The following MTR variants were observed in gnomAD, a reference collection of about 807,000 sequenced individuals.
MTR encodes the protein methionine synthase.
In MTR, 84 loss-of-function variants were observed where a neutral mutation model predicts 154.8. The observed-to-expected ratio is 0.54, with a 90% confidence interval of 0.45 to 0.65. The LOEUF (loss-of-function observed/expected upper bound fraction) is 0.65. Among genes scored for constraint, MTR ranks in the 30% least tolerant of loss-of-function variants. MTR has a pLI of 0.00. For missense variants in MTR, 1,275 were observed against 1,570.2 expected (o/e 0.81, Z 3.18); for synonymous variants, 554 against 553.9 (o/e 1.00, Z 0.00).
intron 6 of MTR, among the ~76,000 whole-genome samples, chr1:236,813,896 G>T (rs1426285200): frequency 1.3e-5 from 2 of 152,186 alleles, no homozygotes; most frequent in African/African-American, 4.8e-5. Context: ...CTTAAATGTT[G>T]TGTGGTTGAA....
chr1:236,802,127 G>A (rs77226497), intron 1 of MTR, among the ~76,000 whole-genome samples: 6,225 of 152,256 alleles, frequency 0.041, 416 homozygotes, highest in African/African-American at 0.14. Context: ...TAAGGCTTGG[G>A]ATCTAAGTAG....
At chr1:236,801,478 TGA>T (rs1433294742) in intron 1 of MTR, among the ~76,000 whole-genome samples, 1 of 152,218 alleles carries the variant, frequency 6.6e-6, no homozygotes, top group East Asian at 1.9e-4. Flanking sequence ...ATTGTATACT[TGA>T]GACTCTGGAC....
intron 13 of MTR, 58 bp downstream of exon 13, chr1:236,832,136 G>T (rs1339734629): frequency 7.5e-7 from 1 of 1,336,728 alleles, no homozygotes; most frequent in Non-Finnish European, 1.1e-6. Flanking sequence ...TAGACAGCAT[G>T]TAAATGAAAC....
At chr1:236,807,670 A>G (rs1380880965) in intron 3 of MTR, among the ~76,000 whole-genome samples, 1 of 152,180 alleles carries the variant, frequency 6.6e-6, no homozygotes, top group Non-Finnish European at 1.5e-5. Flanking sequence ...TATATGGTAG[A>G]TGCTAATGTC....
At chr1:236,801,418 G>A (rs1660692828) in intron 1 of MTR, among the ~76,000 whole-genome samples, 1 of 152,192 alleles carries the variant, frequency 6.6e-6, no homozygotes, top group African/African-American at 2.4e-5. Flanking sequence ...CCCACTTGGA[G>A]AAAGTCACTC....
chr1:236,894,099 C>T (rs1007135661), intron 29 of MTR, among the ~76,000 whole-genome samples: 1 of 151,984 alleles, frequency 6.6e-6, no homozygotes, highest in African/African-American at 2.4e-5. Context: ...GGTGTCTTGA[C>T]AATTTATGTT....
intron 22 of MTR, among the ~76,000 whole-genome samples, chr1:236,871,293 T>C (rs1348075947): frequency 6.6e-6 from 1 of 150,452 alleles, no homozygotes; most frequent in Admixed American, 6.7e-5. Context: ...CTACACAGGC[T>C]CTGGCCTTTT....
intron 22 of MTR, among the ~76,000 whole-genome samples, chr1:236,872,421 A>G (rs1665186842): frequency 6.6e-6 from 1 of 152,058 alleles, no homozygotes; most frequent in Non-Finnish European, 1.5e-5. Context: ...GAGTTCCCTG[A>G]CAGCTCTTCG....
At position 236,852,906 on chromosome 1, in the gene MTR, G is replaced by A. The variant is rs767799166; in HGVS notation, c.1813-42G>A. 26 of 1,611,142 alleles carry A rather than the reference G, an allele frequency of 1.6e-5. 2 individuals are homozygous for A. The South Asian group carries it at 2.5e-4, about 16-fold the overall frequency. On this transcript the variant is annotated intron_variant, in intron 17 of 32. Coordinates refer to ENST00000366577, the MANE Select transcript of MTR (RefSeq NM_000254.3). ...AAAAGTTTGCTGATCGCTGACTTAA[G>A]GTATCACTGTAAATTCTCATTTTTA...
Position 236,889,309 on chromosome 1 carries a change from C to T in MTR, c.2980C>T (p.Pro994Ser). 3.7e-6 allele frequency: 6 copies of T among 1,614,204 alleles called. No homozygotes were observed. The highest frequency in any genetic ancestry group is 5.1e-6 in the Non-Finnish European group (6 of 1,180,046). ...LRGKYPNRGFPKIFNDKTVGG... is the reference protein window; with the variant it reads ...LRGKYPNRGFSKIFNDKTVGG... ...GGGCAAGTACCCGAATCGAGGCTTT[C>T]CCAAGATATTTAACGACAAAACAGT... is the stretch of plus-strand genomic sequence containing the variant. The change falls in exon 28 of 33, where the codon CCC becomes TCC. Residue 994 changes from proline (P) to serine (S), a missense_variant. Physicochemically the swap from Pro to Ser is moderately conservative, Grantham distance 74. Transcript: ENST00000366577.
At chr1:236,877,872 G>A (rs1358119776) in intron 24 of MTR, among the ~76,000 whole-genome samples, 1 of 152,110 alleles carries the variant, frequency 6.6e-6, no homozygotes, top group East Asian at 1.9e-4. Flanking sequence ...GTTATTCCAC[G>A]TTCTTTTCAA....
intron 18 of MTR, among the ~76,000 whole-genome samples, chr1:236,859,453 A>G (rs1664395228): frequency 6.6e-6 from 1 of 152,128 alleles, no homozygotes; most frequent in Non-Finnish European, 1.5e-5. Context: ...TAGCTTCATT[A>G]TGGCCTCCCT....
At chr1:236,796,462 G>C (rs1490169159) in intron 1 of MTR, among the ~76,000 whole-genome samples, 2 of 152,204 alleles carry the variant, frequency 1.3e-5, no homozygotes, top group African/African-American at 4.8e-5. Flanking sequence ...GTAAAAACGG[G>C]TGAGGAGATG....
rs186276049 is a variant in MTR, at chr1:236,844,030, G to T, written c.1515+5431G>T. Among the ~76,000 whole-genome samples the T allele has an allele frequency of 8.5e-5, 13 of 152,270 alleles. No homozygotes were observed. In the East Asian group the frequency reaches 2.5e-3, roughly 29 times the overall value. Reference sequence around the variant, plus strand: ...AGCTCACCAAAGGAATGACTGTAGAGAAGTCCTAGGACTAAGTGAGTCTTA... The same window carrying T: ...AGCTCACCAAAGGAATGACTGTAGATAAGTCCTAGGACTAAGTGAGTCTTA... On this transcript the variant is annotated intron_variant, in intron 15 of 32. Transcript: ENST00000366577.
intron 24 of MTR, among the ~76,000 whole-genome samples, chr1:236,879,095 C>G (rs1018467801): frequency 2.6e-5 from 4 of 152,232 alleles, no homozygotes; most frequent in Non-Finnish European, 5.9e-5. Flanking sequence ...CACACTCATG[C>G]ATATATTACA....
At chr1:236,828,064 AC>A (rs1478797690) in intron 11 of MTR, among the ~76,000 whole-genome samples, 3 of 151,704 alleles carry the variant, frequency 2.0e-5, no homozygotes, top group Admixed American at 6.6e-5. Flanking sequence ...TGCAAGCTCC[AC>A]CTCCCAGGTT....
Position 236,816,449 on chromosome 1 carries a change from A to T in MTR, c.670A>T (p.Ile224Phe), listed in dbSNP as rs777900847. The change falls in exon 8 of 33, where the codon ATT (isoleucine) becomes TTT (phenylalanine). Residue 224 changes from isoleucine (I) to phenylalanine (F), a missense_variant and splice_region_variant. Physicochemically the swap from Ile to Phe is conservative, Grantham distance 21 (BLOSUM62 0). Transcript: ENST00000366577. ...GACTTTGTTTACTTTGTCAATTCAG[A>T]TTTCAGGGACGATCGTTGATAAAAG... ...EEKYAPRPIFISGTIVDKSGR... is the reference protein window; with the variant it reads ...EEKYAPRPIFFSGTIVDKSGR... The T allele has an allele frequency of 6.2e-7, 1 of 1,613,886 alleles. No individual in the cohort carries two copies. Among genetic ancestry groups the T allele is most frequent in the Admixed American group, 1.7e-5 (1 of 60,010 alleles).
chr1:236,878,368 T>G (rs1665546265), intron 24 of MTR, among the ~76,000 whole-genome samples: 1 of 152,188 alleles, frequency 6.6e-6, no homozygotes, highest in South Asian at 2.1e-4. Flanking sequence ...CAGTAGCTCA[T>G]TAGCTCAGGA....
At chr1:236,884,806 C>T (rs974608520) in intron 25 of MTR, among the ~76,000 whole-genome samples, 31 of 152,178 alleles carry the variant, frequency 2.0e-4, no homozygotes, top group African/African-American at 7.2e-4. Context: ...AGACTGTTAG[C>T]ATAAACGATG....
Sources: allele counts gnomAD v4.1 joint callset (sites outside exome capture counted in the v4.1 genomes callset), GRCh38; gene constraint gnomAD v4.1.1; transcripts MANE v1.5; gene names NCBI Gene and HGNC (gene_info 2026-07-23, HGNC 2026-07-21).